The following KIFC3 variants were observed in gnomAD, a reference collection of about 807,000 sequenced individuals.
The protein encoded by KIFC3 is kinesin family member C3.
KIFC3 carries 60 observed loss-of-function variants against 101.8 expected under a neutral mutation model. The observed-to-expected ratio is 0.59, with a 90% confidence interval of 0.48 to 0.73. KIFC3 has a LOEUF of 0.73. Among genes scored for constraint, KIFC3 ranks in the 30% least tolerant of loss-of-function variants. KIFC3 has a pLI of 0.00. For synonymous variants in KIFC3, 476 were observed against 482.7 expected (o/e 0.99, Z 0.18); for missense variants, 966 against 1,137.1 (o/e 0.85, Z 2.16).
At chr16:57,778,473 C>G (rs1567998435) in intron 3 of KIFC3, among the ~76,000 whole-genome samples, 1 of 152,064 alleles carries the variant, frequency 6.6e-6, no homozygotes, top group Non-Finnish European at 1.5e-5. Context: ...TTTTGTATAA[C>G]AAAGGACACT....
chr16:57,765,729 G>A, intron 10 of KIFC3, 89 bp from the exon 11 acceptor site: 1 of 1,283,528 alleles, frequency 7.8e-7, no homozygotes, highest in Non-Finnish European at 1.1e-6. Context: ...CAGACTAGTT[G>A]ACCTAGGAGT....
At chr16:57,813,349 C>A (rs1438211506) in intron 1 of KIFC3, among the ~76,000 whole-genome samples, 1 of 143,870 alleles carries the variant, frequency 7.0e-6, no homozygotes, top group South Asian at 2.2e-4. Flanking sequence ...AAATAAAATA[C>A]AAAAATAAAT....
At chr16:57,764,026 G>A in intron 12 of KIFC3, 117 bp downstream of exon 12, 3 of 758,436 alleles carry the variant, frequency 4.0e-6, no homozygotes, top group Non-Finnish European at 6.8e-6. Context: ...TCTGCTCCTG[G>A]GTTGTGAGGA....
At chr16:57,847,719 C>A (rs1253290454) in intron 1 of KIFC3, among the ~76,000 whole-genome samples, 3 of 150,046 alleles carry the variant, frequency 2.0e-5, no homozygotes, top group African/African-American at 2.5e-5. Context: ...CCTTATTGTT[C>A]AAGAATATAT....
chr16:57,791,992 CA>C (rs2053910406), intron 3 of KIFC3, among the ~76,000 whole-genome samples: 1 of 152,216 alleles, frequency 6.6e-6, no homozygotes, highest in East Asian at 1.9e-4. Context: ...GTGTTCAGAT[CA>C]GGGGCTGGGA....
At chr16:57,788,541 G>T in intron 3 of KIFC3, 6 of 1,275,630 alleles carry the variant, frequency 4.7e-6, no homozygotes, top group Non-Finnish European at 6.1e-6. Flanking sequence ...GGCTTCACTG[G>T]GGAGTGCCGG....
intron 2 of KIFC3, among the ~76,000 whole-genome samples, chr16:57,797,516 G>A (rs1470067615): frequency 1.3e-5 from 2 of 152,216 alleles, no homozygotes; most frequent in Non-Finnish European, 2.9e-5. Flanking sequence ...TGGGGGCCAA[G>A]ACTCTGGGAC....
chr16:57,845,485 A>C (rs1477286300), intron 1 of KIFC3, among the ~76,000 whole-genome samples: 1 of 152,074 alleles, frequency 6.6e-6, no homozygotes, highest in Non-Finnish European at 1.5e-5. Flanking sequence ...CTCTGCTCCA[A>C]ACCTCCTATC....
At chr16:57,829,338 C>T (rs1451244576) in intron 1 of KIFC3, among the ~76,000 whole-genome samples, 9 of 152,098 alleles carry the variant, frequency 5.9e-5, no homozygotes, top group Non-Finnish European at 1.3e-4. Context: ...ACTGCAGCCT[C>T]GACCTCCTGG....
intron 3 of KIFC3, among the ~76,000 whole-genome samples, chr16:57,792,616 C>T (rs984067241): frequency 5.9e-5 from 9 of 152,066 alleles, no homozygotes; most frequent in East Asian, 1.9e-4. Flanking sequence ...GAGGTAGGGC[C>T]GGGCGTAATG....
chr16:57,790,546 C>T (rs2053785355), intron 3 of KIFC3, among the ~76,000 whole-genome samples: 2 of 152,102 alleles, frequency 1.3e-5, no homozygotes, highest in African/African-American at 2.4e-5. Context: ...GCGGCAAGGC[C>T]CGTGTGTGAA....
chr16:57,794,940 C>T, intron 3 of KIFC3, 59 bp downstream of exon 3: 1 of 1,455,344 alleles, frequency 6.9e-7, no homozygotes, highest in Admixed American at 3.0e-5. Flanking sequence ...TGGCAGGAAC[C>T]CAGCCACTGG....
At chr16:57,765,329 C>CGG in intron 11 of KIFC3, 130 bp downstream of exon 11, 1 of 926,114 alleles carries the variant, frequency 1.1e-6, no homozygotes, top group Admixed American at 2.8e-5. Context: ...GAGCAGGACC[C>CGG]TGGCTCCCCA....
chr16:57,765,742 CCTGA>C lies in KIFC3; in HGVS notation c.1331-106_1331-103del, dbSNP rs1177927445. On this transcript the variant is annotated intron_variant, in intron 10 of 19. Transcript: ENST00000445690. The stretch of plus-strand genomic sequence containing the variant: ...GGCAGACTAGTTGACCTAGGAGTCC[CCTGA>C]CTTTTAAGCACAGCCCCCTAGGGGA... The C allele has an allele frequency of 5.1e-6, 6 of 1,169,166 alleles. No individual in the cohort carries two copies. In the African/African-American group the frequency reaches 7.7e-5, roughly 15 times the overall value. The allele number at this position is 1,169,166 out of a possible 1,614,324, so 72.4% of individuals were successfully genotyped here. A position where few individuals can be genotyped will look rare whatever the true frequency, so the allele number is the denominator to read the frequency against.
In KIFC3 at chr16:57,758,847, T is replaced by G; in HGVS notation, c.*87A>C. 1 of 1,609,296 alleles carries G rather than the reference T, an allele frequency of 6.2e-7. No individual in the cohort carries two copies. Among genetic ancestry groups the G allele is most frequent in the Non-Finnish European group, 8.5e-7 (1 of 1,177,932 alleles). On this transcript the variant is annotated 3_prime_UTR_variant, in exon 20 of 20. Coordinates refer to ENST00000445690, the MANE Select transcript of KIFC3 (RefSeq NM_001130100.2). ...TGGCGCTGCAGCAGGGACAGGCCAG[T>G]GAGGGCCCAGCTTCAGGCCCAGCGG...
At chr16:57,832,833 A>G (rs960261069) in intron 1 of KIFC3, among the ~76,000 whole-genome samples, 1 of 152,096 alleles carries the variant, frequency 6.6e-6, no homozygotes, top group South Asian at 2.1e-4. Flanking sequence ...AGACATCCCT[A>G]CGGATATTTA....
intron 17 of KIFC3, 58 bp from the exon 18 acceptor site, chr16:57,759,894 G>A: frequency 7.5e-7 from 1 of 1,338,308 alleles, no homozygotes; most frequent in South Asian, 1.3e-5. Context: ...TCCCCACCCT[G>A]CTGTGCTTCT....
chr16:57,805,362 C>T (rs972799230), upstream of KIFC3, among the ~76,000 whole-genome samples: 2 of 152,218 alleles, frequency 1.3e-5, no homozygotes, highest in South Asian at 4.1e-4. Flanking sequence ...CCAGAAACTT[C>T]GCTGATGATT....
chr16:57,812,127 C>T (rs1349981039), intron 1 of KIFC3, among the ~76,000 whole-genome samples: 1 of 150,908 alleles, frequency 6.6e-6, no homozygotes, highest in African/African-American at 2.4e-5. Flanking sequence ...CTGGAGGCTC[C>T]ATCCCCTAGG....
Sources: allele counts gnomAD v4.1 joint callset (sites outside exome capture counted in the v4.1 genomes callset), GRCh38; gene constraint gnomAD v4.1.1; transcripts MANE v1.5; gene names NCBI Gene and HGNC (gene_info 2026-07-23, HGNC 2026-07-21).